Variants in NAV3 observed in about 807,000 individuals in gnomAD.
The protein encoded by NAV3 is neuron navigator 3, also known as pore membrane and/or filament interacting like protein 1.
In NAV3, 87 loss-of-function variants were observed where a neutral mutation model predicts 244.7. That is an observed-to-expected ratio of 0.36 (90% CI 0.30 to 0.42). The LOEUF is 0.42. NAV3 is among the 20% of genes least tolerant of loss of function. NAV3 has a pLI of 1.00. For synonymous variants in NAV3, 1,126 were observed against 1,042.2 expected, an observed-to-expected ratio of 1.08 and a Z score of -1.55; for missense variants, 2,663 against 2,893.3, an observed-to-expected ratio of 0.92 and a Z score of 1.83.
At chr12:77,588,797 A>G (rs1487768728) in intron 2 of NAV3, among the ~76,000 whole-genome samples, 1 of 152,112 alleles carries the variant, frequency 6.6e-6, no homozygotes, top group Non-Finnish European at 1.5e-5. Flanking sequence ...GGAAAAAATT[A>G]TAATTTTGAC....
At chr12:77,960,323 CATTT>C (rs1891770372) in intron 3 of NAV3, among the ~76,000 whole-genome samples, 1 of 151,796 alleles carries the variant, frequency 6.6e-6, no homozygotes, top group African/African-American at 2.4e-5. Flanking sequence ...TGCTGTAGTT[CATTT>C]GTTTCCTCAG....
chr12:78,185,955 A>T (rs999775802), intron 31 of NAV3, among the ~76,000 whole-genome samples: 1 of 151,932 alleles, frequency 6.6e-6, no homozygotes, highest in Non-Finnish European at 1.5e-5. Context: ...AACTTTAAAA[A>T]ATAGTTATTT....
chr12:77,802,525 C>A (rs952459), intron 2 of NAV3, among the ~76,000 whole-genome samples: 5 of 151,966 alleles, frequency 3.3e-5, no homozygotes, highest in Non-Finnish European at 5.9e-5. Context: ...TAAATAGTTA[C>A]GAAAAACAGA....
chr12:77,744,045 T>A (rs1965579), intron 2 of NAV3, among the ~76,000 whole-genome samples: 1 of 151,692 alleles, frequency 6.6e-6, no homozygotes, highest in Non-Finnish European at 1.5e-5. Context: ...AAAGATTCTA[T>A]GTTATTTTCT....
intron 2 of NAV3, among the ~76,000 whole-genome samples, chr12:77,585,050 C>G (rs1433905507): frequency 6.6e-6 from 1 of 152,188 alleles, no homozygotes; most frequent in Admixed American, 6.5e-5. Flanking sequence ...AGATAAACCC[C>G]GTTCTCACAT....
rs1166271934 is a variant in NAV3 at position 77,966,272 on chromosome 12, G to C, written c.458G>C (p.Gly153Ala). 6.2e-7 allele frequency: 1 copy of C among 1,613,480 alleles called. No homozygotes were observed. Among genetic ancestry groups the C allele is most frequent in the Non-Finnish European group, 8.5e-7 (1 of 1,179,776 alleles). ...DVCLSFLAARGVNVQGLSAEE... is the reference protein window; with the variant it reads ...DVCLSFLAARAVNVQGLSAEE... ...TGCCTTAGTTTTCTAGCAGCCAGAGGGGTAAATGTTCAAGGTCTATCTGCT... is the reference window on the plus strand; with the variant it reads ...TGCCTTAGTTTTCTAGCAGCCAGAGCGGTAAATGTTCAAGGTCTATCTGCT... The change falls in exon 4 of 40, where the codon GGG becomes GCG. Residue 153 changes from glycine to alanine, a missense_variant. By Grantham distance (60) the Gly-to-Ala change is moderately conservative. This residue lies in a region of NAV3 where 1,521 missense variants were observed against 1,497.0 expected (regional missense o/e 1.02). Transcript: ENST00000397909.
chr12:78,187,418 A>T (rs1209031889), intron 31 of NAV3, among the ~76,000 whole-genome samples: 1 of 151,888 alleles, frequency 6.6e-6, no homozygotes, highest in African/African-American at 2.4e-5. Context: ...TAATATGTCA[A>T]CTATCTAATT....
chr12:78,068,991 T>C (rs1445676302), intron 12 of NAV3, among the ~76,000 whole-genome samples: 1 of 151,792 alleles, frequency 6.6e-6, no homozygotes, highest in East Asian at 1.9e-4. Context: ...TTTTTTTTAA[T>C]AGGCTAACTA....
chr12:77,695,997 CCTTAT>C (rs1158626840), intron 2 of NAV3, among the ~76,000 whole-genome samples: 2 of 151,986 alleles, frequency 1.3e-5, no homozygotes, highest in Admixed American at 6.6e-5. Context: ...TTGTGTCCAT[CCTTAT>C]CTTTAGAGGT....
intron 2 of NAV3, among the ~76,000 whole-genome samples, chr12:77,673,825 G>A (rs761261591): frequency 6.6e-6 from 1 of 151,774 alleles, no homozygotes; most frequent in Non-Finnish European, 1.5e-5. Context: ...TTCTTTTACT[G>A]TGTTGTGATC....
At chr12:78,095,207 C>T (rs1018100421) in intron 12 of NAV3, among the ~76,000 whole-genome samples, 2 of 151,544 alleles carry the variant, frequency 1.3e-5, no homozygotes, top group Non-Finnish European at 2.9e-5. Context: ...AGTATACTAC[C>T]ACAGCACAGT....
chr12:77,606,869 C>T (rs748587944), intron 2 of NAV3, among the ~76,000 whole-genome samples: 7 of 152,064 alleles, frequency 4.6e-5, no homozygotes, highest in Non-Finnish European at 8.8e-5. Flanking sequence ...AAACCCACTT[C>T]GATTGCATTC....
chr12:77,932,014 C>A (rs1565932607), intron 1 of NAV3, among the ~76,000 whole-genome samples: 1 of 151,924 alleles, frequency 6.6e-6, no homozygotes, highest in Non-Finnish European at 1.5e-5. Context: ...CACTGGGTAC[C>A]ATGAGTGTCA....
intron 1 of NAV3, among the ~76,000 whole-genome samples, chr12:77,921,657 T>C (rs963229774): frequency 5.3e-5 from 8 of 152,034 alleles, no homozygotes; most frequent in Non-Finnish European, 1.0e-4. Flanking sequence ...AGATGAAAAA[T>C]CTAGTGGAAA....
chr12:77,592,114 CTTCCCTCCCAGGT>C (rs1213920131), intron 2 of NAV3, among the ~76,000 whole-genome samples: 1 of 152,146 alleles, frequency 6.6e-6, no homozygotes, highest in African/African-American at 2.4e-5. Context: ...GCTCATTCGG[CTTCCCTCCCAGGT>C]TTCCAGATCA....
intron 1 of NAV3, among the ~76,000 whole-genome samples, chr12:77,885,929 G>T (rs564127370): frequency 4.0e-5 from 6 of 151,784 alleles, no homozygotes; most frequent in Admixed American, 6.6e-5. Flanking sequence ...ACCTTTTTAG[G>T]CAATTCCTCC....
chr12:78,112,468 G>A (rs1315875734), intron 12 of NAV3, among the ~76,000 whole-genome samples: 1 of 152,076 alleles, frequency 6.6e-6, no homozygotes, highest in East Asian at 1.9e-4. Flanking sequence ...TGACTGGGGA[G>A]GCCTAAGGAA....
Position 77,660,408 on chromosome 12 carries a change from G to A in NAV3, c.72+88142G>A, listed in dbSNP as rs1388637756. Among the ~76,000 whole-genome samples, 2 of 152,018 alleles carry A rather than the reference G, an allele frequency of 1.3e-5. 1 individual carries two copies. Among genetic ancestry groups the A allele is most frequent in the South Asian group, 4.1e-4 (2 of 4,824 alleles). On this transcript the variant is annotated intron_variant, in intron 2 of 8. Coordinates refer to the NAV3 transcript ENST00000550042. ...AAGCTGGGAATTTGGCAAAGAAATC[G>A]GGAGATTCACTTTTATGAACCAATT...
intron 25 of NAV3, 77 bp downstream of exon 25, chr12:78,175,504 T>A (rs2139654546): frequency 6.5e-7 from 1 of 1,537,664 alleles, no homozygotes; most frequent in Non-Finnish European, 8.8e-7. Context: ...GGGGCTTTAG[T>A]GATCTGCAGT....
Sources: gnomAD v4.1 joint callset for allele counts (sites outside exome capture counted in the v4.1 genomes callset) on GRCh38, gnomAD v4.1.1 for gene constraint, gnomAD v4.1.1 regional missense constraint, MANE v1.5 for transcripts, NCBI Gene and HGNC (gene_info 2026-07-23, HGNC 2026-07-21) for gene names.